DNAH14: variants seen among roughly 807,000 people sequenced by gnomAD.
DNAH14 encodes axonemal beta dynein heavy chain 14.
Under a neutral mutation model 520.9 loss-of-function variants are expected in DNAH14, and 478 were observed. The observed-to-expected ratio is 0.92, with a 90% CI of 0.85 to 0.99. The LOEUF is 0.99. DNAH14 is among the 50% of genes least tolerant of loss of function. DNAH14 has a pLI of 0.00. For synonymous variants in DNAH14, 1,581 were observed against 1,757.2 expected (o/e 0.90, Z 2.51); for missense variants, 4,831 against 5,234.5 (o/e 0.92, Z 2.38).
rs1307978518 is a variant in DNAH14, at chr1:225,270,856, C to T, written c.7661C>T (p.Thr2554Ile). 2.6e-6 allele frequency: 4 copies of T among 1,550,586 alleles called. No homozygotes were observed. The highest frequency in any genetic ancestry group is 3.5e-6 in the Non-Finnish European group (4 of 1,146,576). Residue 2554 changes from threonine to isoleucine, a missense_variant, in exon 50 of 86, where the codon ACT becomes ATT. Transcript: ENST00000682510. ...LPHPSQDILC[T>I]IFQAHLGIYF... Reference sequence around the variant, plus strand: ...CATCCTTCACAAGACATCTTATGTACTATTTTCCAGGTAACACATCTAGTT... The same window carrying T: ...CATCCTTCACAAGACATCTTATGTATTATTTTCCAGGTAACACATCTAGTT...
chr1:225,033,556 T>G (rs2066706883), intron 11 of DNAH14, among the ~76,000 whole-genome samples: 1 of 152,324 alleles, frequency 6.6e-6, no homozygotes, highest in Admixed American at 6.5e-5. Flanking sequence ...GCCTTGGCTA[T>G]TTGGGCTCTT....
chr1:225,374,271 T>TA (rs1491334010), intron 77 of DNAH14, among the ~76,000 whole-genome samples: 21 of 88,734 alleles, frequency 2.4e-4, no homozygotes, highest in African/African-American at 8.6e-4. Context: ...TATATATATA[T>TA]TTTTTTTTGA....
chr1:225,270,675 G>T, intron 49 of DNAH14, 60 bp from the exon 50 acceptor site: 4 of 1,463,658 alleles, frequency 2.7e-6, no homozygotes, highest in Non-Finnish European at 2.8e-6. Flanking sequence ...AGAGACGTAG[G>T]TACATACTTC....
chr1:225,015,655 A>G (rs2065159453), intron 10 of DNAH14, among the ~76,000 whole-genome samples: 1 of 152,262 alleles, frequency 6.6e-6, no homozygotes, highest in South Asian at 2.1e-4. Context: ...TACCCCATGT[A>G]AATGGCAATG....
chr1:225,194,768 C>T (rs776794979), intron 38 of DNAH14, among the ~76,000 whole-genome samples: 3 of 151,560 alleles, frequency 2.0e-5, no homozygotes, highest in South Asian at 4.2e-4. Context: ...AACTGTGTAT[C>T]CGATAAAAAT....
intron 1 of DNAH14, among the ~76,000 whole-genome samples, chr1:224,933,850 G>C (rs12567082): frequency 6.6e-6 from 1 of 151,834 alleles, no homozygotes; most frequent in Non-Finnish European, 1.5e-5. Flanking sequence ...GGAGTTTTGC[G>C]TCTATGTTCA....
intron 17 of DNAH14, among the ~76,000 whole-genome samples, chr1:225,061,515 A>C (rs2070105049): frequency 6.6e-6 from 1 of 152,196 alleles, no homozygotes; most frequent in African/African-American, 2.4e-5. Flanking sequence ...CGCAGCACCC[A>C]CTGTCCTGCA....
At position 225,079,760 on chromosome 1, in the gene DNAH14, G is replaced by A. The variant is rs984479510; in HGVS notation, c.2766+212G>A. Among the ~76,000 whole-genome samples, 8 of 138,944 alleles carry A rather than the reference G, an allele frequency of 5.8e-5. No individual in the cohort carries two copies. The South Asian group carries it at 9.3e-4, about 16-fold the overall frequency. 91.2% of individuals were successfully genotyped at this position (138,944 alleles called of 152,430 possible). A position where few individuals can be genotyped will look rare whatever the true frequency, so the allele number is the denominator to read the frequency against. ...GCAATCTCGGCTCACTGCAAGCTCC[G>A]CCTCCCGGGTTCACGCCATTCTCCT... On this transcript the variant is annotated intron_variant, in intron 18 of 85. Coordinates refer to ENST00000682510, the MANE Select transcript of DNAH14 (RefSeq NM_001367479.1).
At chr1:225,352,968 CT>C (rs1287695836) in intron 72 of DNAH14, among the ~76,000 whole-genome samples, 3 of 151,972 alleles carry the variant, frequency 2.0e-5, no homozygotes, top group Non-Finnish European at 4.4e-5. Flanking sequence ...GAGTCAGTTA[CT>C]TTTATTTAAA....
chr1:225,238,951 C>G (rs1008909738), intron 42 of DNAH14, among the ~76,000 whole-genome samples: 1 of 152,172 alleles, frequency 6.6e-6, no homozygotes. Context: ...TTGTCCTGAC[C>G]ACCTGGACTC....
chr1:225,042,766 G>C, intron 12 of DNAH14, 69 bp from the exon 13 acceptor site: 1 of 1,468,018 alleles, frequency 6.8e-7, no homozygotes, highest in Non-Finnish European at 9.0e-7. Flanking sequence ...ATTTTGGTCT[G>C]TATTCTAAAT....
At chr1:224,946,323 T>C (rs554886862) in intron 1 of DNAH14, among the ~76,000 whole-genome samples, 8 of 152,074 alleles carry the variant, frequency 5.3e-5, no homozygotes, top group Non-Finnish European at 1.0e-4. Flanking sequence ...TGGTGTGCCA[T>C]TTGCTAAGAC....
chr1:225,323,709 C>T (rs1473294624), intron 62 of DNAH14, among the ~76,000 whole-genome samples: 1 of 152,210 alleles, frequency 6.6e-6, no homozygotes, highest in African/African-American at 2.4e-5. Context: ...GATCTGCCCC[C>T]CTGGGCGTCC....
At chr1:225,386,932 G>GCACA (rs1309776008) in intron 81 of DNAH14, among the ~76,000 whole-genome samples, 1 of 152,164 alleles carries the variant, frequency 6.6e-6, no homozygotes, top group Non-Finnish European at 1.5e-5. Flanking sequence ...AAAGACACAT[G>GCACA]CACACGTATG....
At chr1:225,126,907 G>A (rs1368116538) in intron 27 of DNAH14, among the ~76,000 whole-genome samples, 9 of 151,772 alleles carry the variant, frequency 5.9e-5, no homozygotes, top group Admixed American at 4.6e-4. Context: ...GGTATGTTGT[G>A]TCTTAGTTCT....
At chr1:225,317,681 G>C (rs1034713915) in intron 60 of DNAH14, among the ~76,000 whole-genome samples, 1 of 152,176 alleles carries the variant, frequency 6.6e-6, no homozygotes, top group East Asian at 1.9e-4. Flanking sequence ...AGTATACTCA[G>C]AATGAAGTTT....
chr1:225,335,547 A>ATGTACATC (rs1558431577), intron 66 of DNAH14, among the ~76,000 whole-genome samples: 1 of 98,954 alleles, frequency 1.0e-5, no homozygotes, highest in Non-Finnish European at 2.4e-5. Context: ...ATATATACGT[A>ATGTACATC]TATACATATG....
At chr1:225,315,405 G>C (rs187279779) in intron 60 of DNAH14, among the ~76,000 whole-genome samples, 2 of 152,014 alleles carry the variant, frequency 1.3e-5, no homozygotes, top group Non-Finnish European at 2.9e-5. Flanking sequence ...GCTCAGAGGA[G>C]TTTCTTATTA....
intron 79 of DNAH14, 40 bp from the exon 80 acceptor site, chr1:225,380,119 C>G (rs1437163414): frequency 7.2e-6 from 11 of 1,527,660 alleles, no homozygotes; most frequent in Non-Finnish European, 9.7e-6. Context: ...CTCCCCACTT[C>G]CTGTTCTGTG....
Sources: gnomAD v4.1 joint callset for allele counts (sites outside exome capture counted in the v4.1 genomes callset) on GRCh38, gnomAD v4.1.1 for gene constraint, MANE v1.5 for transcripts, NCBI Gene and HGNC (gene_info 2026-07-23, HGNC 2026-07-21) for gene names.